Variants in IGSF3 observed in about 807,000 individuals in gnomAD.
The protein encoded by IGSF3 is immunoglobulin superfamily member 3.
A neutral mutation model predicts 114.4 loss-of-function variants in IGSF3; 23 were observed. The observed-to-expected ratio is 0.20, with a 90% CI of 0.14 to 0.28. The LOEUF is 0.28. Among genes scored for constraint, IGSF3 ranks in the 10% least tolerant of loss-of-function variants. The pLI is 1.00. For missense variants in IGSF3, 1,172 were observed against 1,591.5 expected (o/e 0.74, Z 4.48); for synonymous variants, 571 against 645.2 (o/e 0.88, Z 1.74).
In IGSF3 at chr1:116,647,202, C is replaced by T. The variant is rs1318510458; in HGVS notation, c.43+19082G>A. ...ATGCCCAAATGACCGGCTGAGGAAT[C>T]ACCTCACTGCTGCCGATGCCCTTGA... is the stretch of plus-strand genomic sequence containing the variant. On this transcript the variant is annotated intron_variant, in intron 2 of 10. Transcript: ENST00000369486. The surrounding 1 kb of genome is among the most constrained non-coding windows in gnomAD (Gnocchi z 4.6). Among the ~76,000 whole-genome samples the T allele has an allele frequency of 2.6e-5, 4 of 152,354 alleles. No homozygotes were observed. Among genetic ancestry groups the T allele is most frequent in the South Asian group, 2.1e-4 (1 of 4,822 alleles).
In IGSF3 at chr1:116,633,438, A is replaced by G. The variant is rs1291486754; in HGVS notation, c.44-16981T>C. 2.6e-5 allele frequency among the ~76,000 whole-genome samples: 4 copies of G among 152,226 alleles called. No individual in the cohort carries two copies. On this transcript the variant is annotated intron_variant, in intron 2 of 10. Coordinates refer to ENST00000369486, the MANE Select transcript of IGSF3 (RefSeq NM_001007237.3). The surrounding 1 kb of genome is among the most constrained non-coding windows in gnomAD (Gnocchi z 4.3). ...AATTTTAAAATTTTTTTTAAAGAAGAAAAACACCTAGACAATCCTTAAAAT... is the reference window on the plus strand; with the variant it reads ...AATTTTAAAATTTTTTTTAAAGAAGGAAAACACCTAGACAATCCTTAAAAT...
rs955759107 is a variant in IGSF3 at position 116,627,797 on chromosome 1, T to C, written c.44-11340A>G. ...TTCAACACAGTGTCCCCACCTTCTGTCTCCCAACACTAGGCCATGGAGACA... is the reference window on the plus strand; with the variant it reads ...TTCAACACAGTGTCCCCACCTTCTGCCTCCCAACACTAGGCCATGGAGACA... On this transcript the variant is annotated intron_variant, in intron 2 of 10. Coordinates refer to ENST00000369486, the MANE Select transcript of IGSF3 (RefSeq NM_001007237.3). The surrounding 1 kb of genome is among the most constrained non-coding windows in gnomAD (Gnocchi z 4.7). 2.0e-5 allele frequency among the ~76,000 whole-genome samples: 3 copies of C among 151,956 alleles called. No individual in the cohort carries two copies. The highest frequency in any genetic ancestry group is 7.3e-5 in the African/African-American group (3 of 41,332).
Position 116,644,935 on chromosome 1 carries a change from T to C in IGSF3, c.43+21349A>G, listed in dbSNP as rs1182696554. Among the ~76,000 whole-genome samples, 1 of 152,116 alleles carries C rather than the reference T, an allele frequency of 6.6e-6. No homozygotes were observed. Among genetic ancestry groups the C allele is most frequent in the Admixed American group, 6.5e-5 (1 of 15,278 alleles). On this transcript the variant is annotated intron_variant, in intron 2 of 10. Coordinates refer to ENST00000369486, the MANE Select transcript of IGSF3 (RefSeq NM_001007237.3). The surrounding 1 kb of genome is among the most constrained non-coding windows in gnomAD (Gnocchi z 5.6). Reference sequence around the variant, plus strand: ...ATACATGGCTGGTGGGGAGGTAGGATGGTGCAGCCACTTTGGAAAACAGTC... The same window carrying C: ...ATACATGGCTGGTGGGGAGGTAGGACGGTGCAGCCACTTTGGAAAACAGTC...
chr1:116,607,843 C>CG lies in IGSF3; in HGVS notation c.1222+98_1222+99insC. 8.3e-7 allele frequency: 1 copy of CG among 1,211,652 alleles called. No homozygotes were observed. Among genetic ancestry groups the CG allele is most frequent in the South Asian group, 1.4e-5 (1 of 72,412 alleles). The allele number at this position is 1,211,652 out of a possible 1,614,324, so 75.1% of individuals were successfully genotyped here. A position where few individuals can be genotyped will look rare whatever the true frequency, so the allele number is the denominator to read the frequency against. On this transcript the variant is annotated intron_variant, in intron 5 of 10. Transcript: ENST00000369486. This position sits in a 1 kb window ranked among gnomAD's most constrained non-coding sequence, Gnocchi z 6.1. ...TCTGCATTAACCTCGAGGGTTCCAT[C>CG]TGCCTCCCCTCACCTTCACCACGCT...
At chr1:116,613,044 G>A (rs1661083218) in intron 4 of IGSF3, among the ~76,000 whole-genome samples, 1 of 152,178 alleles carries the variant, frequency 6.6e-6, no homozygotes, top group South Asian at 2.1e-4. Context: ...CTTCACTTAA[G>A]AAAACATCTA....
Position 116,647,147 on chromosome 1 carries a change from G to T in IGSF3, c.43+19137C>A, listed in dbSNP as rs1163824240. Reference sequence around the variant, plus strand: ...GTATGGCAGGTGACAAAAAAGATGAGGCTGAAGGTCAGGAGAGACCCAGGC... The same window carrying T: ...GTATGGCAGGTGACAAAAAAGATGATGCTGAAGGTCAGGAGAGACCCAGGC... On this transcript the variant is annotated intron_variant, in intron 2 of 10. Coordinates refer to ENST00000369486, the MANE Select transcript of IGSF3 (RefSeq NM_001007237.3). The surrounding 1 kb of genome is among the most constrained non-coding windows in gnomAD (Gnocchi z 4.6). 1.3e-5 allele frequency among the ~76,000 whole-genome samples: 2 copies of T among 152,200 alleles called. No homozygotes were observed. Among genetic ancestry groups the T allele is most frequent in the East Asian group, 3.8e-4 (2 of 5,202 alleles).
rs765095453 is a variant in IGSF3 at position 116,664,798 on chromosome 1, G to A, written c.43+1486C>T. Among the ~76,000 whole-genome samples the A allele has an allele frequency of 1.3e-5, 2 of 152,304 alleles. No homozygotes were observed. The highest frequency in any genetic ancestry group is 3.4e-3 in the Middle Eastern group (1 of 294). On this transcript the variant is annotated intron_variant, in intron 2 of 10. Coordinates refer to ENST00000369486, the MANE Select transcript of IGSF3 (RefSeq NM_001007237.3). The surrounding 1 kb of genome is among the most constrained non-coding windows in gnomAD (Gnocchi z 4.6). ...AACTACCAGCAGGGTGTCTGCATGC[G>A]TTGGGTGGTAGGGCACTGGCGCTAG...
In IGSF3 at chr1:116,661,531, C is replaced by A. The variant is rs1649116853; in HGVS notation, c.43+4753G>T. On this transcript the variant is annotated intron_variant, in intron 2 of 10. Transcript: ENST00000369486. This position sits in a 1 kb window ranked among gnomAD's most constrained non-coding sequence, Gnocchi z 4.0. Reference sequence around the variant, plus strand: ...CTGATTTAGGTTGCTTCCTATGAAACAAACGTTGGTTCATCTAACTCATGC... The same window carrying A: ...CTGATTTAGGTTGCTTCCTATGAAAAAAACGTTGGTTCATCTAACTCATGC... Among the ~76,000 whole-genome samples the A allele has an allele frequency of 6.6e-6, 1 of 152,198 alleles. No individual in the cohort carries two copies.
At chr1:116,620,324 C>A in intron 2 of IGSF3, among the ~76,000 whole-genome samples, 1 of 152,190 alleles carries the variant, frequency 6.6e-6, no homozygotes, top group East Asian at 1.9e-4. Flanking sequence ...AAGAAGGGGA[C>A]TGCAGATTGA....
rs1428443611 is a variant in IGSF3 at position 116,584,748 on chromosome 1, G to A, written c.2745C>T (p.Thr915=). 1.2e-6 allele frequency: 2 copies of A among 1,613,800 alleles called. 1 individual carries two copies. The highest frequency in any genetic ancestry group is 4.5e-5 in the East Asian group (2 of 44,880). ...GCCACTCCTCCACATGGCAGCTGTA[G>A]GTCCCGCTGTCCTGCACAGCCACGT... ...IQNVAVQDSG[T]YSCHVEEWLP... The change falls in exon 9 of 11, where the codon ACC becomes ACT. Residue 915 remains threonine, a synonymous_variant. Transcript: ENST00000369486. This position sits in a 1 kb window ranked among gnomAD's most constrained non-coding sequence, Gnocchi z 5.8.
At position 116,603,484 on chromosome 1, in the gene IGSF3, G is replaced by A; in HGVS notation, c.1624+140C>T. The A allele has an allele frequency of 1.2e-6, 1 of 803,098 alleles. No individual in the cohort carries two copies. The allele number at this position is 803,098 out of a possible 1,614,324, so 49.7% of individuals were successfully genotyped here. On this transcript the variant is annotated intron_variant, in intron 6 of 10. Transcript: ENST00000369486. The surrounding 1 kb of genome is among the most constrained non-coding windows in gnomAD (Gnocchi z 7.1). The stretch of plus-strand genomic sequence containing the variant: ...TTATAAGAAATAAAATAGACATAAA[G>A]GAAAGTACTTCAAACTCTATAGGTA...
At chr1:116,591,129 G>T (rs1660094271) in intron 7 of IGSF3, among the ~76,000 whole-genome samples, 1 of 152,002 alleles carries the variant, frequency 6.6e-6, no homozygotes, top group Non-Finnish European at 1.5e-5. Context: ...GTCCTCTAGG[G>T]CACACTAGGA....
chr1:116,663,581 G>A (rs1232704562), intron 2 of IGSF3, among the ~76,000 whole-genome samples: 1 of 151,986 alleles, frequency 6.6e-6, no homozygotes, highest in Non-Finnish European at 1.5e-5. Context: ...AGAGGTCAAG[G>A]GGGTAGGTAC....
rs79218295 is a variant in IGSF3, at chr1:116,610,056, T to C, written c.833-1725A>G. The stretch of plus-strand genomic sequence containing the variant: ...ATGAAGTAGCTGCTGTCACAGCTTC[T>C]AGCTCCCAAGAGACCAGTCTTAAGA... On this transcript the variant is annotated intron_variant, in intron 4 of 10. Coordinates refer to ENST00000369486, the MANE Select transcript of IGSF3 (RefSeq NM_001007237.3). The surrounding 1 kb of genome is among the most constrained non-coding windows in gnomAD (Gnocchi z 4.3). 1.3e-5 allele frequency among the ~76,000 whole-genome samples: 2 copies of C among 152,200 alleles called. No homozygotes were observed. Among genetic ancestry groups the C allele is most frequent in the Admixed American group, 6.5e-5 (1 of 15,282 alleles).
chr1:116,601,268 T>A (rs1660574190), intron 6 of IGSF3, among the ~76,000 whole-genome samples: 1 of 152,166 alleles, frequency 6.6e-6, no homozygotes, highest in Non-Finnish European at 1.5e-5. Flanking sequence ...ATTTAGTAAG[T>A]CAATGACAGA....
chr1:116,657,178 T>C lies in IGSF3; in HGVS notation c.43+9106A>G, dbSNP rs1476159282. ...AAAGTCTTTTTAAAAAGGAATAGAT[T>C]GTATCTGGCTGGGATAGGGTAGGTG... On this transcript the variant is annotated intron_variant, in intron 2 of 10. Coordinates refer to ENST00000369486, the MANE Select transcript of IGSF3 (RefSeq NM_001007237.3). The surrounding 1 kb of genome is among the most constrained non-coding windows in gnomAD (Gnocchi z 4.2). Among the ~76,000 whole-genome samples the C allele has an allele frequency of 6.6e-6, 1 of 152,184 alleles. No homozygotes were observed. The highest frequency in any genetic ancestry group is 2.4e-5 in the African/African-American group (1 of 41,440).
In IGSF3 at chr1:116,641,495, CAAAAAAAAAAAAAAA is replaced by C. The variant is rs57930787; in HGVS notation, c.43+24774_43+24788del. Among the ~76,000 whole-genome samples the C allele has an allele frequency of 9.8e-5, 4 of 40,694 alleles. No homozygotes were observed. In the East Asian group the frequency reaches 1.9e-3, roughly 19 times the overall value. 26.7% of individuals were successfully genotyped at this position (40,694 alleles called of 152,430 possible). A position where few individuals can be genotyped will look rare whatever the true frequency, so the allele number is the denominator to read the frequency against. ...TGGGCAACAGGGCAAGACTCTGTCT[CAAAAAAAAAAAAAAA>C]AAAAAAAAAGAAGAAGAAAGAAAAG... On this transcript the variant is annotated intron_variant, in intron 2 of 10. Transcript: ENST00000369486.
At chr1:116,656,088 T>C (rs1457387238) in intron 2 of IGSF3, among the ~76,000 whole-genome samples, 2 of 152,076 alleles carry the variant, frequency 1.3e-5, no homozygotes, top group African/African-American at 4.8e-5. Flanking sequence ...CCTGAAAAAA[T>C]AGTGAAGTAA....
chr1:116,580,370 G>T (rs1659550815), intron 9 of IGSF3, among the ~76,000 whole-genome samples: 1 of 152,192 alleles, frequency 6.6e-6, no homozygotes, highest in Non-Finnish European at 1.5e-5. Flanking sequence ...TAAATCCAGT[G>T]GCTGGTGCTA....
Sources: gnomAD v4.1 joint callset for allele counts (sites outside exome capture counted in the v4.1 genomes callset) on GRCh38, gnomAD v4.1.1 for gene constraint, Gnocchi (gnomAD v3.1) non-coding constraint, MANE v1.5 for transcripts, NCBI Gene and HGNC (gene_info 2026-07-23, HGNC 2026-07-21) for gene names.